The following KDM1A variants were observed in gnomAD, a reference collection of about 807,000 sequenced individuals.
KDM1A encodes the protein lysine-specific histone demethylase 1A.
In KDM1A, 49 loss-of-function variants were observed where a neutral mutation model predicts 109.4. The ratio of observed to expected loss-of-function variants is 0.45; its 90% CI spans 0.36 to 0.57. The LOEUF (loss-of-function observed/expected upper bound fraction) is 0.57, where lower values mean the gene tolerates loss of function less well. KDM1A is among the 20% of genes least tolerant of loss of function. KDM1A has a pLI of 0.00. For synonymous variants in KDM1A, 380 were observed against 415.4 expected (o/e 0.91, Z 1.04); for missense variants, 668 against 1,116.6 (o/e 0.60, Z 5.73).
chr1:23,020,722 C>G (rs1191106280), intron 1 of KDM1A, among the ~76,000 whole-genome samples: 1 of 152,102 alleles, frequency 6.6e-6, no homozygotes, highest in Non-Finnish European at 1.5e-5. Context: ...TATCAACGGG[C>G]AGGTATTGCT....
chr1:23,057,274 TTA>T (rs1642858543), intron 7 of KDM1A, among the ~76,000 whole-genome samples: 2 of 152,250 alleles, frequency 1.3e-5, no homozygotes, highest in Admixed American at 1.3e-4. Context: ...TGACATTTAA[TTA>T]TATGTCATTT....
At chr1:23,035,352 G>A (rs184429040) in intron 2 of KDM1A, among the ~76,000 whole-genome samples, 99 of 152,162 alleles carry the variant, frequency 6.5e-4, no homozygotes, top group Non-Finnish European at 1.2e-3. Context: ...ACAGGCATGC[G>A]CCACTACTCC....
intron 2 of KDM1A, among the ~76,000 whole-genome samples, chr1:23,043,917 A>C (rs1180529534): frequency 6.6e-6 from 1 of 152,238 alleles, no homozygotes; most frequent in Non-Finnish European, 1.5e-5. Flanking sequence ...ACTAGTGTCT[A>C]CTGTGTATAG....
intron 9 of KDM1A, among the ~76,000 whole-genome samples, chr1:23,062,213 C>A (rs1303821930): frequency 2.6e-5 from 4 of 152,156 alleles, no homozygotes; most frequent in African/African-American, 9.7e-5. Flanking sequence ...CTACACCTGG[C>A]TGACATTTCA....
chr1:23,082,449 GAT>G, intron 20 of KDM1A, 83 bp downstream of exon 20: 1 of 1,174,920 alleles, frequency 8.5e-7, no homozygotes, highest in Non-Finnish European at 1.2e-6. Context: ...TTTTTTTTCA[GAT>G]TTTAGTCATT....
Position 23,038,471 on chromosome 1 carries a change from G to A in KDM1A, c.518-5956G>A, listed in dbSNP as rs188538647. On this transcript the variant is annotated intron_variant, in intron 2 of 20. Transcript: ENST00000400181. ...TTGTTATTAACCAGACACACCTTAAGCTTGGTAGTTGGACACATAACATCT... is the reference window on the plus strand; with the variant it reads ...TTGTTATTAACCAGACACACCTTAAACTTGGTAGTTGGACACATAACATCT... 1.1e-4 allele frequency among the ~76,000 whole-genome samples: 16 copies of A among 152,160 alleles called. No individual in the cohort carries two copies. The East Asian group carries it at 2.9e-3, about 28-fold the overall frequency.
At chr1:23,081,330 C>T (rs1339656784) in intron 18 of KDM1A, 116 bp from the exon 19 acceptor site, 2 of 1,158,176 alleles carry the variant, frequency 1.7e-6, no homozygotes, top group East Asian at 4.7e-5. Flanking sequence ...TTGAATGGTA[C>T]TGCGTGTGTC....
At chr1:23,047,165 C>A (rs1642524449) in intron 3 of KDM1A, among the ~76,000 whole-genome samples, 1 of 152,122 alleles carries the variant, frequency 6.6e-6, no homozygotes, top group South Asian at 2.1e-4. Flanking sequence ...TTTGATTTAG[C>A]TTCTCAACAG....
intron 13 of KDM1A, 107 bp downstream of exon 13, chr1:23,071,466 C>T (rs1476371032): frequency 1.5e-5 from 16 of 1,079,278 alleles, no homozygotes; most frequent in South Asian, 3.5e-5. Flanking sequence ...CAAGTGCCTT[C>T]AGTGCAATGA....
At chr1:23,082,401 G>C (rs758344292) in intron 20 of KDM1A, 35 bp downstream of exon 20, 3 of 1,578,156 alleles carry the variant, frequency 1.9e-6, no homozygotes. Context: ...GCTTATTTGG[G>C]AAGAGGCCAG....
chr1:23,023,304 G>A (rs926859926), intron 1 of KDM1A, among the ~76,000 whole-genome samples: 1 of 152,126 alleles, frequency 6.6e-6, no homozygotes, highest in African/African-American at 2.4e-5. Flanking sequence ...ATGTCACGAG[G>A]ATTTACTCCT....
intron 1 of KDM1A, among the ~76,000 whole-genome samples, chr1:23,029,703 G>T (rs1383089547): frequency 6.6e-6 from 1 of 151,992 alleles, no homozygotes; most frequent in Non-Finnish European, 1.5e-5. Context: ...GCAGTGGTGC[G>T]ATCTTGGCTC....
rs757451253 is a variant in KDM1A at position 23,073,303 on chromosome 1, T to C, written c.1634T>C (p.Leu545Pro). 6.3e-7 allele frequency: 1 copy of C among 1,579,626 alleles called. No individual in the cohort carries two copies. Among genetic ancestry groups the C allele is most frequent in the Admixed American group, 1.7e-5 (1 of 59,954 alleles). The change falls in exon 15 of 21, where the codon CTC becomes CCC. Residue 545 changes from leucine (L) to proline (P), a missense_variant. Coordinates refer to ENST00000400181, the MANE Select transcript of KDM1A (RefSeq NM_001009999.3). ...TTGTTCTTTTGCAGTGATGTATATC[T>C]CTCATCAAGAGACAGACAAATACTT... ...LEANPPSDVYLSSRDRQILDW... is the reference protein window; with the variant it reads ...LEANPPSDVYPSSRDRQILDW...
rs1569799583 is a variant in KDM1A at position 23,072,110 on chromosome 1, T to G, written c.1549-14T>G. The G allele has an allele frequency of 6.3e-7, 1 of 1,583,886 alleles. No individual in the cohort carries two copies. The highest frequency in any genetic ancestry group is 1.3e-5 in the African/African-American group (1 of 74,234). ...ACCCTTCAGGGTAACTCAGGTTCAC[T>G]TAATTTTTATCAGGAATATGATGAA... On this transcript the variant is annotated splice_polypyrimidine_tract_variant and intron_variant, in intron 13 of 20. Transcript: ENST00000400181.
At chr1:23,022,371 T>C (rs1641662262) in intron 1 of KDM1A, among the ~76,000 whole-genome samples, 1 of 152,066 alleles carries the variant, frequency 6.6e-6, no homozygotes. Flanking sequence ...GTTTCGCTTT[T>C]GTTGCCCAGG....
rs186212843 is a variant in KDM1A, at chr1:23,079,204, A to G, written c.2055+27A>G. ...TAGCTTGCCCTAGACACTCCTGTCT[A>G]CAGATCTGATGTACAAATAGCAGTC... On this transcript the variant is annotated intron_variant, in intron 17 of 20. Transcript: ENST00000400181. The surrounding 1 kb of genome is among the most constrained non-coding windows in gnomAD (Gnocchi z 5.6). 8 of 1,606,050 alleles carry G rather than the reference A, an allele frequency of 5.0e-6. No homozygotes were observed. The highest frequency in any genetic ancestry group is 3.4e-5 in the Admixed American group (2 of 59,134).
At chr1:23,040,618 T>C (rs1358761742) in intron 2 of KDM1A, among the ~76,000 whole-genome samples, 2 of 148,880 alleles carry the variant, frequency 1.3e-5, no homozygotes, top group East Asian at 2.0e-4. Flanking sequence ...AGAACTCGTC[T>C]CTACAAAAAA....
At chr1:23,043,775 C>G (rs545317206) in intron 2 of KDM1A, among the ~76,000 whole-genome samples, 1 of 152,304 alleles carries the variant, frequency 6.6e-6, no homozygotes, top group Admixed American at 6.5e-5. Flanking sequence ...GTAGAAGATT[C>G]AAGATCTTGC....
intron 1 of KDM1A, among the ~76,000 whole-genome samples, chr1:23,026,069 C>A (rs1019076028): frequency 6.6e-6 from 1 of 151,694 alleles, no homozygotes; most frequent in Non-Finnish European, 1.5e-5. Flanking sequence ...CCAGCCTTGG[C>A]GACAGTGAGA....
Sources: allele counts gnomAD v4.1 joint callset (sites outside exome capture counted in the v4.1 genomes callset), GRCh38; gene constraint gnomAD v4.1.1; non-coding constraint Gnocchi (gnomAD v3.1); transcripts MANE v1.5; gene names NCBI Gene and HGNC (gene_info 2026-07-23, HGNC 2026-07-21).